The following SMCO2 variants were observed in gnomAD, a reference collection of about 807,000 sequenced individuals.
SMCO2 encodes the protein single-pass membrane protein with coiled-coil domains 2.
In SMCO2, 25 loss-of-function variants were observed where a neutral mutation model predicts 29.5. The observed-to-expected ratio is 0.85, with a 90% CI of 0.62 to 1.18. SMCO2 has a LOEUF of 1.18. Among genes scored for constraint, SMCO2 ranks in the 50% most tolerant of loss-of-function variants. SMCO2 has a pLI of 0.00. For synonymous variants in SMCO2, 117 were observed against 123.3 expected (o/e 0.95, Z 0.34); for missense variants, 348 against 344.5 (o/e 1.01, Z -0.08).
intron 4 of SMCO2, 65 bp from the exon 5 acceptor site, chr12:27,475,517 T>C (rs1949578114): frequency 1.4e-6 from 2 of 1,468,746 alleles, no homozygotes; most frequent in Non-Finnish European, 1.8e-6. Context: ...AGGAAGAGCA[T>C]TTCAGGCTAT....
chr12:27,485,214 C>A (rs1333489450), intron 4 of SMCO2, among the ~76,000 whole-genome samples: 1 of 151,536 alleles, frequency 6.6e-6, no homozygotes, highest in East Asian at 1.9e-4. Flanking sequence ...TTTGGTTCTG[C>A]GGTATCTGAT....
At chr12:27,464,541 T>G (rs182845042), upstream of SMCO2, among the ~76,000 whole-genome samples, 109 of 151,736 alleles carry the variant, frequency 7.2e-4, no homozygotes, top group African/African-American at 2.6e-3. Context: ...AGAACCTGTC[T>G]CTACAAAAAG....
At chr12:27,494,090 A>T (rs1942965203) in intron 5 of SMCO2, 1 of 345,494 alleles carries the variant, frequency 2.9e-6, no homozygotes, top group Non-Finnish European at 5.3e-6. Context: ...TATTGAAAAT[A>T]ATCTTGTTAT....
upstream of SMCO2, among the ~76,000 whole-genome samples, chr12:27,462,876 C>T (rs16931984): frequency 3.3e-5 from 5 of 152,168 alleles, no homozygotes; most frequent in Admixed American, 6.5e-5. Flanking sequence ...GGGCCCTCGG[C>T]GAAGCCTTTT....
chr12:27,433,581 G>C, the SMCO2 span, among the ~76,000 whole-genome samples: 1 of 151,942 alleles, frequency 6.6e-6, no homozygotes, highest in African/African-American at 2.4e-5. Flanking sequence ...CATTGCAAAA[G>C]TGTCAGGAGA....
intron 1 of SMCO2, among the ~76,000 whole-genome samples, chr12:27,467,910 T>TA (rs1191661841): frequency 8.5e-5 from 13 of 152,204 alleles, no homozygotes; most frequent in Admixed American, 2.6e-4. Flanking sequence ...GCTGCACATG[T>TA]GTAAGCATTA....
chr12:27,498,002 G>A lies in SMCO2; in HGVS notation c.683+2147G>A, dbSNP rs562159595. On this transcript the variant is annotated intron_variant, in intron 7 of 7. Coordinates refer to ENST00000298876, the Ensembl canonical transcript of SMCO2. ...ATGTTCAGATGAAACAGTTCATCTC[G>A]TAGACCTGGAATAAGGACTAAAGTG... The A allele has an allele frequency of 3.1e-5, 9 of 287,368 alleles. 1 individual carries two copies. The highest frequency in any genetic ancestry group is 1.1e-4 in the Admixed American group (3 of 26,414). The allele number at this position is 287,368 out of a possible 1,614,324, so 17.8% of individuals were successfully genotyped here.
the SMCO2 span, among the ~76,000 whole-genome samples, chr12:27,445,717 G>A: frequency 1.3e-5 from 2 of 152,170 alleles, no homozygotes; most frequent in East Asian, 3.8e-4. Flanking sequence ...TTCCACAAGT[G>A]TCTTAGCTCA....
At chr12:27,454,112 G>A in the SMCO2 span, among the ~76,000 whole-genome samples, 5 of 152,072 alleles carry the variant, frequency 3.3e-5, no homozygotes, top group Non-Finnish European at 7.4e-5. Context: ...AGCTTCCCGA[G>A]TAGCTGGGAC....
At chr12:27,467,929 A>G (rs968564100) in intron 1 of SMCO2, among the ~76,000 whole-genome samples, 3 of 152,188 alleles carry the variant, frequency 2.0e-5, no homozygotes, top group Non-Finnish European at 2.9e-5. Flanking sequence ...TATTTTTATT[A>G]CTGTGTTATT....
At chr12:27,433,057 T>C in the SMCO2 span, among the ~76,000 whole-genome samples, 4,983 of 152,324 alleles carry the variant, frequency 0.033, 112 homozygotes, top group Non-Finnish European at 0.046. Flanking sequence ...CTCTGGAAAA[T>C]GTTAGTCAAC....
the SMCO2 span, among the ~76,000 whole-genome samples, chr12:27,459,981 T>C: frequency 6.6e-6 from 1 of 152,204 alleles, no homozygotes; most frequent in Non-Finnish European, 1.5e-5. Context: ...AGAATACATA[T>C]TGGGAAATAA....
chr12:27,458,840 T>C, the SMCO2 span, among the ~76,000 whole-genome samples: 1 of 146,996 alleles, frequency 6.8e-6, no homozygotes, highest in Non-Finnish European at 1.5e-5. Flanking sequence ...TGAGCTGAGA[T>C]TGTGCCATTG....
rs113768879 is a variant in SMCO2 at position 27,484,216 on chromosome 12, C to A, written c.363-4244C>A. 4.8e-3 allele frequency among the ~76,000 whole-genome samples: 729 copies of A among 152,254 alleles called. 8 individuals are homozygous for A. Among genetic ancestry groups the A allele is most frequent in the African/African-American group, 0.017 (705 of 41,544 alleles). The stretch of plus-strand genomic sequence containing the variant: ...GACCATCCTGGCCAACATGGTGAAA[C>A]CCCGTCTCTACTAAAAATACAAAAA... On this transcript the variant is annotated intron_variant, in intron 4 of 7. Transcript: ENST00000298876.
At chr12:27,432,732 T>C in the SMCO2 span, among the ~76,000 whole-genome samples, 1 of 152,198 alleles carries the variant, frequency 6.6e-6, no homozygotes, top group Non-Finnish European at 1.5e-5. Context: ...TGAAATCTAT[T>C]TGTCATTATG....
At chr12:27,498,910 G>A (rs1448119361) in intron 7 of SMCO2, among the ~76,000 whole-genome samples, 1 of 150,460 alleles carries the variant, frequency 6.6e-6, no homozygotes, top group Non-Finnish European at 1.5e-5. Context: ...CATCCACTAA[G>A]ATGACTACAG....
At chr12:27,469,615 G>A (rs1451788032) in intron 1 of SMCO2, among the ~76,000 whole-genome samples, 1 of 152,108 alleles carries the variant, frequency 6.6e-6, no homozygotes, top group African/African-American at 2.4e-5. Context: ...CTAGTTCTAG[G>A]CCAATCTACT....
intron 4 of SMCO2, among the ~76,000 whole-genome samples, chr12:27,475,208 A>G (rs2135550019): frequency 6.6e-6 from 1 of 152,292 alleles, no homozygotes; most frequent in South Asian, 2.1e-4. Context: ...GAAAACCATA[A>G]TTATCATTAA....
At chr12:27,460,413 G>A in the SMCO2 span, among the ~76,000 whole-genome samples, 8,161 of 152,174 alleles carry the variant, frequency 0.054, 245 homozygotes, top group Middle Eastern at 0.082. Flanking sequence ...GATTTTGTAC[G>A]TTATTTGTAT....
Sources: allele counts gnomAD v4.1 joint callset (sites outside exome capture counted in the v4.1 genomes callset), GRCh38; gene constraint gnomAD v4.1.1; transcripts MANE v1.5; gene names NCBI Gene and HGNC (gene_info 2026-07-23, HGNC 2026-07-21).